ATG10: variants seen among roughly 807,000 people sequenced by gnomAD.
The protein encoded by ATG10 is autophagy related 10, also known as ubiquitin-like-conjugating enzyme ATG10.
In ATG10, 30 loss-of-function variants were observed where a neutral mutation model predicts 32.1. The observed-to-expected ratio is 0.94, with a 90% confidence interval of 0.70 to 1.27. The LOEUF (loss-of-function observed/expected upper bound fraction) is 1.27, where lower values mean the gene tolerates loss of function less well. ATG10 is among the 50% of genes most tolerant of loss of function. The pLI, the probability that ATG10 is intolerant of heterozygous loss-of-function variation, is 0.00. For synonymous variants in ATG10, 87 were observed against 91.5 expected (o/e 0.95, Z 0.28); for missense variants, 233 against 262.3 (o/e 0.89, Z 0.77).
intron 4 of ATG10, 52 bp from the exon 5 acceptor site, chr5:82,178,438 A>G (rs1744113343): frequency 7.5e-6 from 8 of 1,072,506 alleles, no homozygotes; most frequent in Non-Finnish European, 1.2e-5. Context: ...GACACCAAGC[A>G]CCATTGTGTC....
chr5:82,078,336 G>C (rs1764346792), intron 3 of ATG10: 1 of 152,174 alleles, frequency 6.6e-6, no homozygotes, highest in African/African-American at 2.4e-5. Flanking sequence ...GAAGCTATCA[G>C]ACAAAGGCAC....
intron 1 of ATG10, among the ~76,000 whole-genome samples, chr5:81,972,753 C>G (rs1428222479): frequency 2.0e-5 from 3 of 151,936 alleles, no homozygotes; most frequent in African/African-American, 7.2e-5. Flanking sequence ...GCCAACAGGT[C>G]TTTCTTTTTT....
At chr5:82,009,846 A>G in intron 2 of ATG10, 1 of 1,608,924 alleles carries the variant, frequency 6.2e-7, no homozygotes, top group Non-Finnish European at 8.5e-7. Flanking sequence ...CTCATCTTCA[A>G]ATTTCTCCCC....
At chr5:82,233,737 T>G (rs1746451471) in intron 5 of ATG10, among the ~76,000 whole-genome samples, 1 of 152,200 alleles carries the variant, frequency 6.6e-6, no homozygotes, top group Non-Finnish European at 1.5e-5. Context: ...CTGTCATCTC[T>G]CTGTCCCCAA....
chr5:82,086,740 A>G (rs1198436072), intron 3 of ATG10, among the ~76,000 whole-genome samples: 3 of 152,184 alleles, frequency 2.0e-5, no homozygotes, highest in Admixed American at 2.0e-4. Flanking sequence ...GTGCATGTGT[A>G]TCTGGTTTGT....
intron 3 of ATG10, among the ~76,000 whole-genome samples, chr5:82,163,316 A>C (rs927364356): frequency 1.3e-5 from 2 of 152,186 alleles, no homozygotes; most frequent in African/African-American, 4.8e-5. Context: ...TTTTGTAAAC[A>C]TCTCCAGTTG....
At chr5:81,983,528 C>T (rs1761137984) in intron 1 of ATG10, among the ~76,000 whole-genome samples, 1 of 148,688 alleles carries the variant, frequency 6.7e-6, no homozygotes. Flanking sequence ...CCCCCACCTC[C>T]CTCCCGGATG....
chr5:82,191,014 G>A (rs1156233600), intron 5 of ATG10, among the ~76,000 whole-genome samples: 1 of 152,078 alleles, frequency 6.6e-6, no homozygotes, highest in Non-Finnish European at 1.5e-5. Flanking sequence ...TAAAGGTTTT[G>A]TTAGATATTC....
chr5:82,073,726 G>A (rs1050846815), intron 3 of ATG10: 8 of 152,184 alleles, frequency 5.3e-5, no homozygotes, highest in African/African-American at 1.4e-4. Context: ...GCTTCATTAA[G>A]TTTAATTTGC....
At chr5:82,089,792 A>G (rs577924859) in intron 3 of ATG10, among the ~76,000 whole-genome samples, 1 of 152,218 alleles carries the variant, frequency 6.6e-6, no homozygotes, top group Admixed American at 6.5e-5. Context: ...AGATCCTATT[A>G]AAAGGATGAA....
At chr5:82,023,282 TAA>T (rs1762500024) in intron 2 of ATG10, among the ~76,000 whole-genome samples, 1 of 152,162 alleles carries the variant, frequency 6.6e-6, no homozygotes, top group Non-Finnish European at 1.5e-5. Flanking sequence ...TAGATTTTTT[TAA>T]GTTTGCTTGT....
intron 3 of ATG10, among the ~76,000 whole-genome samples, chr5:82,129,939 C>T (rs1388944978): frequency 1.3e-5 from 2 of 152,150 alleles, no homozygotes; most frequent in African/African-American, 4.8e-5. Context: ...CTGAAGCTGC[C>T]CCCACAACTG....
At chr5:82,141,651 A>T (rs13165713) in intron 3 of ATG10, among the ~76,000 whole-genome samples, 62,103 of 145,546 alleles carry the variant, frequency 0.43, 14,220 homozygotes, top group East Asian at 0.79. Context: ...TACTTTAGAT[A>T]AAAAAAAAAG....
Position 82,178,562 on chromosome 5 carries a change from G to A in ATG10, c.428G>A (p.Gly143Glu), listed in dbSNP as rs1278633630. 6 of 1,610,962 alleles carry A rather than the reference G, an allele frequency of 3.7e-6. No homozygotes were observed. The highest frequency in any genetic ancestry group is 5.1e-6 in the Non-Finnish European group (6 of 1,177,570). ...HECYKMRLLQ[G>E]PWDTITQQEH... ...TGCTATAAGATGCGACTGCTACAGG[G>A]ACCATGGGACACTATTACGCAACAG... The change falls in exon 5 of 8, where the codon GGA (glycine) becomes GAA (glutamate). Residue 143 changes from glycine to glutamate, a missense_variant. Coordinates refer to ENST00000282185, the MANE Select transcript of ATG10 (RefSeq NM_031482.5).
At chr5:81,977,552 A>G (rs969509772) in intron 1 of ATG10, among the ~76,000 whole-genome samples, 11 of 152,198 alleles carry the variant, frequency 7.2e-5, no homozygotes, top group Admixed American at 2.0e-4. Flanking sequence ...TTATTTGCCC[A>G]TACTCTTCTC....
chr5:82,083,393 C>T (rs1316835268), intron 3 of ATG10, among the ~76,000 whole-genome samples: 1 of 152,200 alleles, frequency 6.6e-6, no homozygotes, highest in Admixed American at 6.5e-5. Flanking sequence ...CTGTAGACTC[C>T]ACTTCTGGGG....
At chr5:82,074,249 A>G (rs1764209150) in intron 3 of ATG10, among the ~76,000 whole-genome samples, 1 of 152,218 alleles carries the variant, frequency 6.6e-6, no homozygotes, top group Non-Finnish European at 1.5e-5. Flanking sequence ...TCTTTACCCA[A>G]AGTAGAATAC....
intron 4 of ATG10, among the ~76,000 whole-genome samples, chr5:82,171,114 A>G (rs990337686): frequency 6.6e-6 from 1 of 152,148 alleles, no homozygotes; most frequent in African/African-American, 2.4e-5. Flanking sequence ...TTTCTGATTC[A>G]GAGGTTCATC....
chr5:82,185,406 A>C (rs991046461), intron 5 of ATG10, among the ~76,000 whole-genome samples: 2 of 152,148 alleles, frequency 1.3e-5, no homozygotes, highest in African/African-American at 4.8e-5. Flanking sequence ...TATTTTCCTC[A>C]TTTCGTCCTA....
Sources: gnomAD v4.1 joint callset for allele counts (sites outside exome capture counted in the v4.1 genomes callset) on GRCh38, gnomAD v4.1.1 for gene constraint, MANE v1.5 for transcripts, NCBI Gene and HGNC (gene_info 2026-07-23, HGNC 2026-07-21) for gene names.